Variants in FZR1 observed in about 807,000 individuals in gnomAD.
The protein encoded by FZR1 is fizzy and cell division cycle 20 related 1, also known as fizzy-related protein homolog.
A neutral mutation model predicts 63.6 loss-of-function variants in FZR1; 11 were observed. That is an observed-to-expected ratio of 0.17 (90% CI 0.11 to 0.29). The LOEUF (loss-of-function observed/expected upper bound fraction) is 0.29, where lower values mean the gene tolerates loss of function less well. FZR1 is among the 10% of genes least tolerant of loss of function. The pLI is 1.00. For missense variants in FZR1, 440 were observed against 687.5 expected (o/e 0.64, Z 4.03); for synonymous variants, 328 against 297.9 (o/e 1.10, Z -1.04).
rs147040921 is a variant in FZR1 at position 3,514,793 on chromosome 19, G to A, written c.-34-8163G>A. Among the ~76,000 whole-genome samples the A allele has an allele frequency of 2.0e-5, 3 of 152,298 alleles. No homozygotes were observed. The highest frequency in any genetic ancestry group is 2.9e-5 in the Non-Finnish European group (2 of 68,014). On this transcript the variant is annotated intron_variant, in intron 1 of 13. Transcript: ENST00000441788. The surrounding 1 kb of genome is among the most constrained non-coding windows in gnomAD (Gnocchi z 4.2). ...TTTTTCCACATATTTATCCCAGGGC[G>A]TCTCCCTCTGTACGGGGGCCCTGTC...
Position 3,527,068 on chromosome 19 carries a change from T to A in FZR1, c.470+6T>A. Reference sequence around the variant, plus strand: ...TCTCCCGTCAGCAACAAGAGGTGGGTCCCAGCTTCCTCCGCAGCCCTCCCT... The same window carrying A: ...TCTCCCGTCAGCAACAAGAGGTGGGACCCAGCTTCCTCCGCAGCCCTCCCT... On this transcript the variant is annotated splice_donor_region_variant and intron_variant, in intron 6 of 13. Transcript: ENST00000441788. The A allele has an allele frequency of 6.3e-7, 1 of 1,598,074 alleles. No homozygotes were observed. The highest frequency in any genetic ancestry group is 8.6e-7 in the Non-Finnish European group (1 of 1,166,536).
At chr19:3,528,307 G>A (rs373430485) in intron 7 of FZR1, among the ~76,000 whole-genome samples, 5 of 152,258 alleles carry the variant, frequency 3.3e-5, no homozygotes, top group Non-Finnish European at 7.3e-5. Context: ...GCCCGCTGGG[G>A]TGGGGGTTTC....
chr19:3,530,271 T>G lies in FZR1; in HGVS notation c.655-521T>G, dbSNP rs2083229237. ...ATGGGTGAGCGGATGGGAGAGCGGA[T>G]GGGAGAGCGGATGGGAGAGCGCAGG... On this transcript the variant is annotated intron_variant, in intron 7 of 13. Coordinates refer to ENST00000441788, the MANE Select transcript of FZR1 (RefSeq NM_016263.4). Among the ~76,000 whole-genome samples, 4 of 129,746 alleles carry G rather than the reference T, an allele frequency of 3.1e-5. 2 individuals carry two copies. The highest frequency in any genetic ancestry group is 1.2e-4 in the African/African-American group (4 of 32,832). The allele number at this position is 129,746 out of a possible 152,430, so 85.1% of individuals were successfully genotyped here. A position where few individuals can be genotyped will look rare whatever the true frequency, so the allele number is the denominator to read the frequency against.
In FZR1 at chr19:3,531,994, C is replaced by T. The variant is rs765225389; in HGVS notation, c.907C>T (p.Leu303=). The change falls in exon 10 of 14, where the codon CTG becomes TTG. Residue 303 remains leucine (L), a synonymous_variant. Coordinates refer to ENST00000441788, the MANE Select transcript of FZR1 (RefSeq NM_016263.4). ...ILQRDIRTPP[L]QSERRLQGHR... ...GCAGAGGGACATCCGCACCCCGCCACTGCAGTCGGAGCGGCGGCTGCAGGG... is the reference window on the plus strand; with the variant it reads ...GCAGAGGGACATCCGCACCCCGCCATTGCAGTCGGAGCGGCGGCTGCAGGG... The T allele has an allele frequency of 5.7e-6, 9 of 1,573,178 alleles. No individual in the cohort carries two copies. The South Asian group carries it at 8.1e-5, about 14-fold the overall frequency.
intron 2 of FZR1, among the ~76,000 whole-genome samples, chr19:3,524,007 G>A (rs573234034): frequency 1.3e-5 from 2 of 152,234 alleles, no homozygotes; most frequent in South Asian, 4.1e-4. Flanking sequence ...TGATGTAGCA[G>A]GGTCCCCATT....
rs753917635 is a variant in FZR1, at chr19:3,516,517, G to C, written c.-34-6439G>C. ...TTCCTGCAGCGCAGCTGAGCGAGGGGCTTAGAGGGGTCGCTGGGGGTCCCG... is the reference window on the plus strand; with the variant it reads ...TTCCTGCAGCGCAGCTGAGCGAGGGCCTTAGAGGGGTCGCTGGGGGTCCCG... On this transcript the variant is annotated intron_variant, in intron 1 of 13. Transcript: ENST00000441788. This position sits in a 1 kb window ranked among gnomAD's most constrained non-coding sequence, Gnocchi z 6.0. Among the ~76,000 whole-genome samples the C allele has an allele frequency of 2.0e-5, 3 of 152,226 alleles. No homozygotes were observed. The highest frequency in any genetic ancestry group is 2.9e-5 in the Non-Finnish European group (2 of 68,036).
chr19:3,526,883 A>G lies in FZR1; in HGVS notation c.388-97A>G, dbSNP rs1010509759. 200 of 848,974 alleles carry G rather than the reference A, an allele frequency of 2.4e-4. 7 individuals carry two copies. In the South Asian group the frequency reaches 2.8e-3, roughly 12 times the overall value. 52.6% of individuals were successfully genotyped at this position (848,974 alleles called of 1,614,324 possible). ...CACACAGGGTCTCAGCACCTGCCTT[A>G]GGGCTATGAGCTGTACCGGGAGCGT... On this transcript the variant is annotated intron_variant, in intron 5 of 13. Coordinates refer to ENST00000441788, the MANE Select transcript of FZR1 (RefSeq NM_016263.4). The surrounding 1 kb of genome is among the most constrained non-coding windows in gnomAD (Gnocchi z 5.4).
rs1312687322 is a variant in FZR1 at position 3,535,261 on chromosome 19, G to C, written c.*425G>C. The C allele has an allele frequency of 1.6e-5, 2 of 126,446 alleles. No homozygotes were observed. Among genetic ancestry groups the C allele is most frequent in the South Asian group, 3.6e-4 (2 of 5,486 alleles). The allele number at this position is 126,446 out of a possible 1,614,324, so 7.8% of individuals were successfully genotyped here. A position where few individuals can be genotyped will look rare whatever the true frequency, so the allele number is the denominator to read the frequency against. Reference sequence around the variant, plus strand: ...ACCAGACGCCAGGGCTGATTGGTGGGGGCCTGAGACCCCGGTTGCCCATTC... The same window carrying C: ...ACCAGACGCCAGGGCTGATTGGTGGCGGCCTGAGACCCCGGTTGCCCATTC... On this transcript the variant is annotated 3_prime_UTR_variant, in exon 14 of 14. Transcript: ENST00000441788.
rs190821396 is a variant in FZR1, at chr19:3,525,212, C to T, written c.70-656C>T. ...TGGCACCTGCGCAGCGTTGGGAGGG[C>T]AGTTGGGGTCTTGTGCTCCCTGGCT... On this transcript the variant is annotated intron_variant, in intron 2 of 13. Coordinates refer to ENST00000441788, the MANE Select transcript of FZR1 (RefSeq NM_016263.4). This position sits in a 1 kb window ranked among gnomAD's most constrained non-coding sequence, Gnocchi z 4.2. 3.9e-5 allele frequency among the ~76,000 whole-genome samples: 6 copies of T among 152,010 alleles called. No homozygotes were observed. Among genetic ancestry groups the T allele is most frequent in the Non-Finnish European group, 8.8e-5 (6 of 67,996 alleles).
intron 7 of FZR1, among the ~76,000 whole-genome samples, chr19:3,529,661 GGTGAGTGGAT>G (rs2083211081): frequency 2.1e-5 from 3 of 143,166 alleles, no homozygotes; most frequent in African/African-American, 5.4e-5. Flanking sequence ...AGAGCGGATG[GGTGAGTGGAT>G]GAGAGTGGTT....
chr19:3,533,255 T>C lies in FZR1; in HGVS notation c.1243-39T>C, dbSNP rs1047201790. The C allele has an allele frequency of 1.6e-6, 2 of 1,283,368 alleles. No homozygotes were observed. The highest frequency in any genetic ancestry group is 1.5e-5 in the African/African-American group (1 of 68,362). The allele number at this position is 1,283,368 out of a possible 1,614,324, so 79.5% of individuals were successfully genotyped here. A position where few individuals can be genotyped will look rare whatever the true frequency, so the allele number is the denominator to read the frequency against. On this transcript the variant is annotated intron_variant, in intron 11 of 13. Transcript: ENST00000441788. This position sits in a 1 kb window ranked among gnomAD's most constrained non-coding sequence, Gnocchi z 4.9. Reference sequence around the variant, plus strand: ...GCAGCAGGCATAGCACCCGGCCTCGTTGCCCCTCACCGACCGCAGCGCCCC... The same window carrying C: ...GCAGCAGGCATAGCACCCGGCCTCGCTGCCCCTCACCGACCGCAGCGCCCC...
rs2083152992 is a variant in FZR1 at position 3,526,015 on chromosome 19, A to C, written c.195+22A>C. On this transcript the variant is annotated intron_variant, in intron 3 of 13. Coordinates refer to ENST00000441788, the MANE Select transcript of FZR1 (RefSeq NM_016263.4). This position sits in a 1 kb window ranked among gnomAD's most constrained non-coding sequence, Gnocchi z 5.4. The stretch of plus-strand genomic sequence containing the variant: ...TAACGTGAGGGGCTGGCTGGGCAGG[A>C]GATGGGACCCCCCGGGAAGCCCAGG... 3 of 1,611,380 alleles carry C rather than the reference A, an allele frequency of 1.9e-6. No individual in the cohort carries two copies. The highest frequency in any genetic ancestry group is 2.2e-5 in the East Asian group (1 of 44,826).
intron 1 of FZR1, among the ~76,000 whole-genome samples, chr19:3,506,865 C>A (rs1026308747): frequency 6.6e-6 from 1 of 152,184 alleles, no homozygotes; most frequent in Non-Finnish European, 1.5e-5. Flanking sequence ...GCCTCCTAAC[C>A]CGGGTGATTT....
intron 7 of FZR1, among the ~76,000 whole-genome samples, chr19:3,528,260 G>A (rs1370534873): frequency 2.6e-5 from 4 of 152,232 alleles, no homozygotes; most frequent in African/African-American, 7.2e-5. Flanking sequence ...TCCCTACAGG[G>A]AGACTGGGTT....
Position 3,523,032 on chromosome 19 carries a change from A to T in FZR1, c.43A>T (p.Ile15Phe), listed in dbSNP as rs945817176. 6.2e-7 allele frequency: 1 copy of T among 1,610,522 alleles called. No homozygotes were observed. The highest frequency in any genetic ancestry group is 8.5e-7 in the Non-Finnish European group (1 of 1,177,918). Residue 15 changes from isoleucine (I) to phenylalanine (F), a missense_variant, in exon 2 of 14, where the codon ATC (isoleucine) becomes TTC (phenylalanine). By Grantham distance (21) the Ile-to-Phe change is conservative (BLOSUM62 0). Coordinates refer to ENST00000441788, the MANE Select transcript of FZR1 (RefSeq NM_016263.4). Reference protein sequence around the residue: ...YERRLLRQIVIQNENTMPRVT... With the variant: ...YERRLLRQIVFQNENTMPRVT... Reference sequence around the variant, plus strand: ...GCGGCGCCTGCTTCGCCAGATCGTCATCCAGAATGAGAACACGATGCCACG... The same window carrying T: ...GCGGCGCCTGCTTCGCCAGATCGTCTTCCAGAATGAGAACACGATGCCACG...
intron 2 of FZR1, among the ~76,000 whole-genome samples, chr19:3,523,560 C>G (rs1445817019): frequency 6.6e-6 from 1 of 152,250 alleles, no homozygotes; most frequent in Non-Finnish European, 1.5e-5. Context: ...TGCTTCCCCA[C>G]CCGACTCCTG....
intron 12 of FZR1, 100 bp from the exon 13 acceptor site, chr19:3,534,321 C>T (rs764366850): frequency 7.8e-6 from 5 of 639,360 alleles, no homozygotes; most frequent in South Asian, 4.0e-5. Flanking sequence ...CTGGGGGGCC[C>T]AGCCACCCGA....
chr19:3,518,221 C>T (rs979682463), intron 1 of FZR1, among the ~76,000 whole-genome samples: 1 of 151,978 alleles, frequency 6.6e-6, no homozygotes, highest in Non-Finnish European at 1.5e-5. Context: ...ACCATGTTGG[C>T]CAGGCTGGTG....
Position 3,514,005 on chromosome 19 carries a change from C to T in FZR1, c.-35+7531C>T, listed in dbSNP as rs10416910. 0.08 allele frequency among the ~76,000 whole-genome samples: 12,192 copies of T among 152,228 alleles called. 1,624 individuals carry two copies. Among genetic ancestry groups the T allele is most frequent in the African/African-American group, 0.28 (11,417 of 41,486 alleles). ...GACCAGTTTTCCCAGCCAAGCAAGG[C>T]GTTGCAGGAGTAGGAGCTTGGCTGA... is the stretch of plus-strand genomic sequence containing the variant. On this transcript the variant is annotated intron_variant, in intron 1 of 13. Transcript: ENST00000441788. This position sits in a 1 kb window ranked among gnomAD's most constrained non-coding sequence, Gnocchi z 4.2.
Sources: gnomAD v4.1 joint callset for allele counts (sites outside exome capture counted in the v4.1 genomes callset) on GRCh38, gnomAD v4.1.1 for gene constraint, Gnocchi (gnomAD v3.1) non-coding constraint, MANE v1.5 for transcripts, NCBI Gene and HGNC (gene_info 2026-07-23, HGNC 2026-07-21) for gene names.